The following FREM3 variants were observed in gnomAD, a reference collection of about 807,000 sequenced individuals.
FREM3 encodes FRAS1-related extracellular matrix protein 3.
Under a neutral mutation model 129.1 loss-of-function variants are expected in FREM3, and 105 were observed. The observed-to-expected ratio is 0.81, with a 90% CI of 0.69 to 0.96. The LOEUF (loss-of-function observed/expected upper bound fraction) is 0.96, where lower values mean the gene tolerates loss of function less well. Among genes scored for constraint, FREM3 ranks in the 40% least tolerant of loss-of-function variants. The pLI is 0.00. For synonymous variants in FREM3, 1,014 were observed against 1,044.9 expected, an observed-to-expected ratio of 0.97 and a Z score of 0.57; for missense variants, 2,593 against 2,666.3, an observed-to-expected ratio of 0.97 and a Z score of 0.61.
intron 2 of FREM3, among the ~76,000 whole-genome samples, chr4:143,634,239 G>A (rs771637917): frequency 2.0e-5 from 3 of 152,166 alleles, no homozygotes; most frequent in Non-Finnish European, 2.9e-5. Context: ...GGCAAGACAC[G>A]TAAATTCAGG....
At chr4:143,594,775 A>G (rs1044635756) in intron 6 of FREM3, among the ~76,000 whole-genome samples, 1 of 152,244 alleles carries the variant, frequency 6.6e-6, no homozygotes, top group East Asian at 1.9e-4. Flanking sequence ...TTCTTTCTAG[A>G]TGCTCTAGGT....
chr4:143,681,868 TGGATA>T (rs1740256889), intron 2 of FREM3, among the ~76,000 whole-genome samples: 1 of 152,162 alleles, frequency 6.6e-6, no homozygotes, highest in Admixed American at 6.5e-5. Context: ...CAACAAGATG[TGGATA>T]GGTAAGATAT....
Position 143,661,708 on chromosome 4 carries a change from A to C in FREM3, c.5275+31405T>G, listed in dbSNP as rs560915851. ...CCTCTGGTAGAATTCGGCTGTGAAT[A>C]CATCTGGTCCTGGAGTCTTTTTGGT... On this transcript the variant is annotated intron_variant, in intron 2 of 7. Transcript: ENST00000329798. Among the ~76,000 whole-genome samples, 455 of 152,260 alleles carry C rather than the reference A, an allele frequency of 3.0e-3. 3 individuals carry two copies. The highest frequency in any genetic ancestry group is 0.01 in the African/African-American group (423 of 41,570).
chr4:143,588,719 T>G (rs551954563), intron 6 of FREM3, among the ~76,000 whole-genome samples: 1 of 151,968 alleles, frequency 6.6e-6, no homozygotes, highest in Admixed American at 6.6e-5. Flanking sequence ...TGCATGTGTC[T>G]TTATAGCAGC....
chr4:143,597,010 T>C (rs997436278), intron 6 of FREM3, among the ~76,000 whole-genome samples: 4 of 152,122 alleles, frequency 2.6e-5, no homozygotes, highest in Non-Finnish European at 5.9e-5. Flanking sequence ...GGGTTAATCC[T>C]ATATTAGATG....
chr4:143,697,619 A>C lies in FREM3; in HGVS notation c.3057T>G (p.Tyr1019Ter), dbSNP rs370939759. ...QEDLINGRVA[Y>*]AHTAGEVGFQ... Reference sequence around the variant, plus strand: ...AACCAACTTCACCTGCAGTGTGGGCATAGGCTACTCTCCCATTGATGAGAT... The same window carrying C: ...AACCAACTTCACCTGCAGTGTGGGCCTAGGCTACTCTCCCATTGATGAGAT... Residue 1019 changes from tyrosine to a stop codon, truncating the protein, a stop_gained, in exon 1 of 8, where the codon TAT (tyrosine) becomes TAG (stop). Transcript: ENST00000329798. LOFTEE classifies it high-confidence loss of function. 293 of 1,537,732 alleles carry C rather than the reference A, an allele frequency of 1.9e-4. 1 individual carries two copies. Among genetic ancestry groups the C allele is most frequent in the Non-Finnish European group, 2.2e-4 (250 of 1,147,048 alleles).
chr4:143,681,340 T>A (rs1003837074), intron 2 of FREM3, among the ~76,000 whole-genome samples: 8 of 152,146 alleles, frequency 5.3e-5, no homozygotes, highest in African/African-American at 1.9e-4. Context: ...ATATGGTAAG[T>A]GGAAGAGACC....
At chr4:143,634,015 T>A (rs1739187947) in intron 2 of FREM3, among the ~76,000 whole-genome samples, 1 of 151,994 alleles carries the variant, frequency 6.6e-6, no homozygotes. Context: ...GTAAAAAAAA[T>A]GACTCACAGA....
chr4:143,638,938 C>T (rs934504234), intron 2 of FREM3, among the ~76,000 whole-genome samples: 28 of 152,046 alleles, frequency 1.8e-4, no homozygotes, highest in African/African-American at 3.9e-4. Flanking sequence ...ATTTCATAGT[C>T]GATCTTGTGA....
At chr4:143,597,371 T>C (rs1497621) in intron 6 of FREM3, among the ~76,000 whole-genome samples, 50,599 of 152,036 alleles carry the variant, frequency 0.33, 9,835 homozygotes, top group South Asian at 0.44. Context: ...AAATTAACTA[T>C]AGTGCCCAAA....
intron 2 of FREM3, among the ~76,000 whole-genome samples, chr4:143,640,407 T>C (rs1452606519): frequency 6.6e-6 from 1 of 152,256 alleles, no homozygotes; most frequent in Non-Finnish European, 1.5e-5. Flanking sequence ...GTATAGTTTG[T>C]AAATGTATTA....
At chr4:143,664,586 G>A (rs1487494482) in intron 2 of FREM3, among the ~76,000 whole-genome samples, 1 of 152,140 alleles carries the variant, frequency 6.6e-6, no homozygotes, top group Admixed American at 6.6e-5. Context: ...ATCTCCAGCT[G>A]CATGCTGGGA....
intron 2 of FREM3, among the ~76,000 whole-genome samples, chr4:143,677,536 G>C (rs1044918711): frequency 1.3e-5 from 2 of 152,188 alleles, no homozygotes; most frequent in African/African-American, 4.8e-5. Flanking sequence ...AGCCAAAATT[G>C]ACAAATGGGA....
Position 143,582,916 on chromosome 4 carries a change from G to C in FREM3, c.6178+2928C>G, listed in dbSNP as rs563199246. 5.3e-5 allele frequency among the ~76,000 whole-genome samples: 7 copies of C among 132,244 alleles called. No individual in the cohort carries two copies. In the Admixed American group the frequency reaches 5.5e-4, roughly 10 times the overall value. 86.8% of individuals were successfully genotyped at this position (132,244 alleles called of 152,430 possible). On this transcript the variant is annotated intron_variant, in intron 7 of 7. Coordinates refer to ENST00000329798, the MANE Select transcript of FREM3 (RefSeq NM_001168235.2). ...TAATTTACTTTTTTTTTTTTGAGATGGGTTTGAACTCTGTCACCCAGGCTG... is the reference window on the plus strand; with the variant it reads ...TAATTTACTTTTTTTTTTTTGAGATCGGTTTGAACTCTGTCACCCAGGCTG...
At chr4:143,660,479 T>G (rs1045944662) in intron 2 of FREM3, among the ~76,000 whole-genome samples, 1 of 152,228 alleles carries the variant, frequency 6.6e-6, no homozygotes, top group Non-Finnish European at 1.5e-5. Context: ...CTGTTTTGGT[T>G]ACTGTAGCCT....
At chr4:143,639,442 AT>A (rs1739284678) in intron 2 of FREM3, among the ~76,000 whole-genome samples, 1 of 152,110 alleles carries the variant, frequency 6.6e-6, no homozygotes, top group Non-Finnish European at 1.5e-5. Context: ...TCGTTTCCCC[AT>A]CCCTCAGATG....
intron 2 of FREM3, among the ~76,000 whole-genome samples, chr4:143,690,607 A>G (rs987536448): frequency 6.6e-6 from 1 of 152,216 alleles, no homozygotes; most frequent in African/African-American, 2.4e-5. Context: ...GCTATGTGCT[A>G]TTAGGAAAAA....
chr4:143,599,067 T>C (rs1441238022), intron 6 of FREM3, among the ~76,000 whole-genome samples: 8 of 152,158 alleles, frequency 5.3e-5, no homozygotes, highest in African/African-American at 1.7e-4. Flanking sequence ...AAAGAGAATG[T>C]TAGTATTTTG....
intron 6 of FREM3, among the ~76,000 whole-genome samples, chr4:143,593,004 G>T (rs1738394437): frequency 6.6e-6 from 1 of 152,102 alleles, no homozygotes; most frequent in African/African-American, 2.4e-5. Flanking sequence ...TTCCATCGCT[G>T]TTACCCTTTC....
Sources: gnomAD v4.1 joint callset for allele counts (sites outside exome capture counted in the v4.1 genomes callset) on GRCh38, gnomAD v4.1.1 for gene constraint, MANE v1.5 for transcripts, NCBI Gene and HGNC (gene_info 2026-07-23, HGNC 2026-07-21) for gene names.